The following P2RX5 variants were observed in gnomAD, a reference collection of about 807,000 sequenced individuals.
P2RX5 encodes purinergic receptor P2X 5, also known as P2X purinoceptor 5.
In P2RX5, 46 loss-of-function variants were observed where a neutral mutation model predicts 54.1. That is an observed-to-expected ratio of 0.85 (90% CI 0.67 to 1.09). The LOEUF is 1.09. P2RX5 is among the 50% of genes least tolerant of loss of function. The pLI, the probability that P2RX5 is intolerant of heterozygous loss-of-function variation, is 0.00. For missense variants in P2RX5, 566 were observed against 549.8 expected (o/e 1.03, Z -0.29); for synonymous variants, 226 against 226.4 (o/e 1.00, Z 0.02).
At chr17:3,677,069 T>C in intron 11 of P2RX5, 1 of 983,642 alleles carries the variant, frequency 1.0e-6, no homozygotes, top group Non-Finnish European at 1.2e-6. Flanking sequence ...TTCAAAAAAA[T>C]AAATAAATAA....
At chr17:3,681,408 C>A (rs528730856) in intron 10 of P2RX5, among the ~76,000 whole-genome samples, 3 of 152,250 alleles carry the variant, frequency 2.0e-5, no homozygotes, top group African/African-American at 7.2e-5. Flanking sequence ...TGTGCTCTGC[C>A]GCTGTGAACA....
At chr17:3,717,044 G>A in the P2RX5 span, 591 of 400,590 alleles carry the variant, frequency 1.5e-3, 6 homozygotes, top group African/African-American at 0.011. Flanking sequence ...GGCTAGGTCT[G>A]TCAGGAGATT....
At chr17:3,711,952 A>G in the P2RX5 span, among the ~76,000 whole-genome samples, 1 of 152,124 alleles carries the variant, frequency 6.6e-6, no homozygotes, top group East Asian at 1.9e-4. Flanking sequence ...AGTTCCCCCG[A>G]TTACAGCTGC....
chr17:3,689,606 G>C lies in P2RX5; in HGVS notation c.639C>G (p.Asp213Glu), dbSNP rs1286325451. ...FSKSNVMDVK[D>E]RSFLKSCHFG... Reference sequence around the variant, plus strand: ...AGTGGCATGATTTCAGGAAAGATCTGTCCTTGACGTCCATCACATTGCTTC... The same window carrying C: ...AGTGGCATGATTTCAGGAAAGATCTCTCCTTGACGTCCATCACATTGCTTC... The change falls in exon 7 of 12, where the codon GAC becomes GAG. Residue 213 changes from aspartate (D) to glutamate (E), a missense_variant. Coordinates refer to ENST00000225328, the MANE Select transcript of P2RX5 (RefSeq NM_002561.4). 6.2e-7 allele frequency: 1 copy of C among 1,614,158 alleles called. No individual in the cohort carries two copies. The highest frequency in any genetic ancestry group is 1.7e-5 in the Admixed American group (1 of 60,020).
At chr17:3,699,527 C>T (rs1307212801), upstream of P2RX5, among the ~76,000 whole-genome samples, 3 of 151,742 alleles carry the variant, frequency 2.0e-5, no homozygotes, top group African/African-American at 7.3e-5. Context: ...GAAAATATTG[C>T]CGGATGCAGT....
At position 3,696,057 on chromosome 17, in the gene P2RX5, G is replaced by T; in HGVS notation, c.-52C>A. ...CCGCCCGGCCCACGTGCGCTCATGG[G>T]GAGCACTCGGTCCCTCGGTCCCTGC... On this transcript the variant is annotated 5_prime_UTR_variant, in exon 1 of 12. Transcript: ENST00000225328. 6.2e-7 allele frequency: 1 copy of T among 1,603,060 alleles called. No homozygotes were observed. The highest frequency in any genetic ancestry group is 8.5e-7 in the Non-Finnish European group (1 of 1,173,662).
chr17:3,709,940 A>G, the P2RX5 span, among the ~76,000 whole-genome samples: 16 of 152,120 alleles, frequency 1.1e-4, no homozygotes, highest in East Asian at 2.5e-3. Flanking sequence ...AAAACAAAAC[A>G]AACAAAAATT....
At chr17:3,699,874 A>AAAGAAAGG (rs1567744280), upstream of P2RX5, among the ~76,000 whole-genome samples, 56 of 42,636 alleles carry the variant, frequency 1.3e-3, no homozygotes, top group East Asian at 5.5e-3. Flanking sequence ...AGAAAGAAAG[A>AAAGAAAGG]AAGGAAGGAA....
chr17:3,688,534 C>T lies in P2RX5; in HGVS notation c.887+92G>A. 2.1e-6 allele frequency: 3 copies of T among 1,409,756 alleles called. No homozygotes were observed. In the South Asian group the frequency reaches 3.4e-5, roughly 16 times the overall value. The allele number at this position is 1,409,756 out of a possible 1,614,324, so 87.3% of individuals were successfully genotyped here. ...CTGCACCTCCCGCTCTGACACCCAC[C>T]CCCAGGAAGGGGCCTCAATAGTGCT... On this transcript the variant is annotated intron_variant, in intron 8 of 11. Transcript: ENST00000225328.
rs372613555 is a variant in P2RX5, at chr17:3,688,005, C to G, written c.981+7G>C. The G allele has an allele frequency of 5.1e-5, 76 of 1,484,380 alleles. No homozygotes were observed. The African/African-American group carries it at 1.0e-3, about 20-fold the overall frequency. 92.0% of individuals were successfully genotyped at this position (1,484,380 alleles called of 1,614,324 possible). ...CCCAGCCTCAGAACAGGAGAAGGCA[C>G]ACGCACCTTGCCGTTCACCATCACG... On this transcript the variant is annotated splice_region_variant and intron_variant, in intron 9 of 11. Transcript: ENST00000225328.
At chr17:3,723,533 G>T in the P2RX5 span, 1 of 992,364 alleles carries the variant, frequency 1.0e-6, no homozygotes, top group Non-Finnish European at 1.5e-6. Context: ...AAGCTCCAGC[G>T]GGAGCAATTG....
At chr17:3,714,985 GC>G in the P2RX5 span, 1 of 1,208,176 alleles carries the variant, frequency 8.3e-7, no homozygotes, top group Non-Finnish European at 1.2e-6. Context: ...GCCAAAGATA[GC>G]CATCTGTTTC....
intron 11 of P2RX5, 107 bp from the exon 12 acceptor site, chr17:3,673,984 T>A: frequency 9.9e-7 from 1 of 1,014,884 alleles, no homozygotes; most frequent in East Asian, 2.6e-5. Context: ...TGAAAAGAGC[T>A]ACAGTTCATG....
chr17:3,691,757 C>T lies in P2RX5; in HGVS notation c.175G>A (p.Asp59Asn), dbSNP rs376763585. Residue 59 changes from aspartate to asparagine, a missense_variant, in exon 2 of 12, where the codon GAC becomes AAC. By Grantham distance (23) the Asp-to-Asn change is conservative. Transcript: ENST00000225328. ...ATGACAGCACTCTGCAGGGAGGTGT[C>T]GACGTCTTGGTAACCCTTCTTTATC... ...FLIKKGYQDV[D>N]TSLQSAVITK... 4 of 1,614,194 alleles carry T rather than the reference C, an allele frequency of 2.5e-6. No individual in the cohort carries two copies. The highest frequency in any genetic ancestry group is 1.1e-5 in the South Asian group (1 of 91,082).
chr17:3,695,824 G>GCCCCCCCCCCC, intron 1 of P2RX5, 45 bp downstream of exon 1: 4 of 820,484 alleles, frequency 4.9e-6, no homozygotes, highest in Non-Finnish European at 7.9e-6. Flanking sequence ...GCTGGCACCC[G>GCCCCCCCCCCC]CCCTGCCCCT....
the P2RX5 span, among the ~76,000 whole-genome samples, chr17:3,706,096 A>T: frequency 6.6e-6 from 1 of 151,970 alleles, no homozygotes; most frequent in Non-Finnish European, 1.5e-5. Flanking sequence ...CTGGGACTAC[A>T]GGCGCGCACC....
intron 9 of P2RX5, among the ~76,000 whole-genome samples, chr17:3,685,331 A>C (rs1221822627): frequency 6.6e-6 from 1 of 152,146 alleles, no homozygotes; most frequent in Non-Finnish European, 1.5e-5. Flanking sequence ...CTGCTACCTG[A>C]GGACAGCTGG....
At chr17:3,683,484 G>A (rs2142998124) in intron 9 of P2RX5, among the ~76,000 whole-genome samples, 1 of 152,346 alleles carries the variant, frequency 6.6e-6, no homozygotes, top group South Asian at 2.1e-4. Flanking sequence ...TGTGATCCCA[G>A]CACTGGGAGG....
At chr17:3,683,787 T>A (rs1485053214) in intron 9 of P2RX5, among the ~76,000 whole-genome samples, 2 of 149,736 alleles carry the variant, frequency 1.3e-5, no homozygotes, top group Admixed American at 6.6e-5. Flanking sequence ...TGTAAGAAAG[T>A]AACAGGCGCA....
Sources: allele counts gnomAD v4.1 joint callset (sites outside exome capture counted in the v4.1 genomes callset), GRCh38; gene constraint gnomAD v4.1.1; transcripts MANE v1.5; gene names NCBI Gene and HGNC (gene_info 2026-07-23, HGNC 2026-07-21).